Variants in SV2B observed in about 807,000 individuals in gnomAD.
SV2B encodes solute carrier family 22 member B2.
In SV2B, 41 loss-of-function variants were observed where a neutral mutation model predicts 73.9. The observed-to-expected ratio is 0.56, with a 90% CI of 0.43 to 0.72. The LOEUF is 0.72. SV2B is among the 30% of genes least tolerant of loss of function. The pLI, the probability that SV2B is intolerant of heterozygous loss-of-function variation, is 0.00. For missense variants in SV2B, 764 were observed against 857.8 expected (o/e 0.89, Z 1.37); for synonymous variants, 314 against 314.2 (o/e 1.00, Z 0.01).
rs2049456419 is a variant in SV2B, at chr15:91,301,928, T to G, written c.*9376T>G. On this transcript the variant is annotated 3_prime_UTR_variant, in exon 13 of 13. Transcript: ENST00000394232. The surrounding 1 kb of genome is among the most constrained non-coding windows in gnomAD (Gnocchi z 4.3). ...TGGAATGCTCAACCTGTTTTCAGAG[T>G]CAGAGCCAAGTTCTGAATGCTCATC... is the stretch of plus-strand genomic sequence containing the variant. Among the ~76,000 whole-genome samples the G allele has an allele frequency of 6.6e-6, 1 of 152,160 alleles. No individual in the cohort carries two copies. Among genetic ancestry groups the G allele is most frequent in the Non-Finnish European group, 1.5e-5 (1 of 68,016 alleles).
Position 91,140,558 on chromosome 15 carries a change from G to C in SV2B, c.-392+40195G>C, listed in dbSNP as rs1389165390. On this transcript the variant is annotated intron_variant, in intron 1 of 12. Transcript: ENST00000394232. This position sits in a 1 kb window ranked among gnomAD's most constrained non-coding sequence, Gnocchi z 4.4. ...TAGTTAGCACTAGCTCATTCATTAG[G>C]TCTGCTTCCATTTAACCCGAGGCCT... Among the ~76,000 whole-genome samples, 1 of 152,070 alleles carries C rather than the reference G, an allele frequency of 6.6e-6. No individual in the cohort carries two copies. The highest frequency in any genetic ancestry group is 1.5e-5 in the Non-Finnish European group (1 of 68,018).
At chr15:91,277,874 G>A (rs1005845420) in intron 9 of SV2B, among the ~76,000 whole-genome samples, 5 of 152,108 alleles carry the variant, frequency 3.3e-5, no homozygotes, top group Non-Finnish European at 7.4e-5. Flanking sequence ...CTATGCTTCA[G>A]TTATCGTTCC....
intron 2 of SV2B, among the ~76,000 whole-genome samples, chr15:91,246,852 GC>G (rs1470912178): frequency 6.6e-6 from 1 of 152,080 alleles, no homozygotes; most frequent in African/African-American, 2.4e-5. Context: ...ATGCCACCGA[GC>G]TTGTTGAGTG....
At chr15:91,251,392 T>A (rs1186138900) in intron 2 of SV2B, among the ~76,000 whole-genome samples, 2 of 152,254 alleles carry the variant, frequency 1.3e-5, no homozygotes, top group African/African-American at 2.4e-5. Flanking sequence ...ATTGCTGTTT[T>A]TCACTTCTAC....
intron 1 of SV2B, among the ~76,000 whole-genome samples, chr15:91,201,103 C>T (rs558256241): frequency 5.3e-5 from 8 of 152,180 alleles, no homozygotes; most frequent in Admixed American, 4.6e-4. Flanking sequence ...CTTGAATGTT[C>T]CCCCACCCTC....
At chr15:91,153,477 A>C (rs1411500354) in intron 1 of SV2B, among the ~76,000 whole-genome samples, 1 of 152,094 alleles carries the variant, frequency 6.6e-6, no homozygotes, top group Non-Finnish European at 1.5e-5. Context: ...CCCAAGGCTC[A>C]ATTTCCCCAT....
intron 6 of SV2B, among the ~76,000 whole-genome samples, chr15:91,263,230 A>C (rs1349537496): frequency 1.7e-5 from 2 of 120,436 alleles, no homozygotes; most frequent in East Asian, 4.0e-4. Flanking sequence ...ACAGACACAC[A>C]GACAGAGACA....
intron 2 of SV2B, among the ~76,000 whole-genome samples, chr15:91,246,088 C>T (rs2047212927): frequency 6.6e-6 from 1 of 151,528 alleles, no homozygotes; most frequent in African/African-American, 2.4e-5. Flanking sequence ...AAAAAATCCC[C>T]CCTTCAAAGT....
At chr15:91,111,609 CAGG>C (rs1262073343) in intron 1 of SV2B, among the ~76,000 whole-genome samples, 10 of 152,108 alleles carry the variant, frequency 6.6e-5, no homozygotes, top group African/African-American at 2.4e-4. Context: ...GGAATGGTTT[CAGG>C]AGAAGCATGT....
At chr15:91,103,221 G>C (rs1227314382) in intron 1 of SV2B, among the ~76,000 whole-genome samples, 1 of 152,190 alleles carries the variant, frequency 6.6e-6, no homozygotes, top group Non-Finnish European at 1.5e-5. Flanking sequence ...ATAGGTCTTT[G>C]CAAGGCAACA....
chr15:91,169,417 G>A (rs2044038927), intron 1 of SV2B, among the ~76,000 whole-genome samples: 1 of 147,074 alleles, frequency 6.8e-6, no homozygotes, highest in South Asian at 2.1e-4. Flanking sequence ...ATGAAAGACA[G>A]CCCCCCCATC....
At chr15:91,112,599 A>G (rs1024751121) in intron 1 of SV2B, among the ~76,000 whole-genome samples, 2 of 152,234 alleles carry the variant, frequency 1.3e-5, no homozygotes, top group Middle Eastern at 3.2e-3. Flanking sequence ...CAAGGGAATC[A>G]GGGAAGCAGG....
intron 1 of SV2B, among the ~76,000 whole-genome samples, chr15:91,151,091 C>T (rs2043301577): frequency 6.6e-6 from 1 of 152,238 alleles, no homozygotes; most frequent in African/African-American, 2.4e-5. Context: ...GCTGCCTCAC[C>T]ATGAGCGTGG....
Position 91,229,616 on chromosome 15 carries a change from T to C in SV2B, c.451+2902T>C, listed in dbSNP as rs1274838498. Among the ~76,000 whole-genome samples, 1 of 152,194 alleles carries C rather than the reference T, an allele frequency of 6.6e-6. No individual in the cohort carries two copies. Among genetic ancestry groups the C allele is most frequent in the Non-Finnish European group, 1.5e-5 (1 of 68,036 alleles). ...GGTTTCCTTGTTTGCAAAATGGAGATAATAATAGTATCTACTTCATAGGAT... is the reference window on the plus strand; with the variant it reads ...GGTTTCCTTGTTTGCAAAATGGAGACAATAATAGTATCTACTTCATAGGAT... On this transcript the variant is annotated intron_variant, in intron 2 of 12. Coordinates refer to ENST00000394232, the MANE Select transcript of SV2B (RefSeq NM_001323032.3). This position sits in a 1 kb window ranked among gnomAD's most constrained non-coding sequence, Gnocchi z 4.3.
intron 1 of SV2B, among the ~76,000 whole-genome samples, chr15:91,186,285 T>TAATG (rs1241549887): frequency 6.8e-6 from 1 of 146,484 alleles, no homozygotes; most frequent in Non-Finnish European, 1.5e-5. Context: ...TATTTTATAT[T>TAATG]AATGAAATGA....
Position 91,284,101 on chromosome 15 carries a change from T to C in SV2B, c.1588T>C (p.Leu530=). ...LEQKEGCHMD[L]EQDNDFLIYL... ...GCAGAAGGAGGGCTGCCACATGGACTTGGAGCAAGATAATGACTTCCTGAT... is the reference window on the plus strand; with the variant it reads ...GCAGAAGGAGGGCTGCCACATGGACCTGGAGCAAGATAATGACTTCCTGAT... The change falls in exon 11 of 13, where the codon TTG becomes CTG. Residue 530 remains leucine, a synonymous_variant. Coordinates refer to ENST00000394232, the MANE Select transcript of SV2B (RefSeq NM_001323032.3). This position sits in a 1 kb window ranked among gnomAD's most constrained non-coding sequence, Gnocchi z 4.5. 1.2e-6 allele frequency: 2 copies of C among 1,614,186 alleles called. No individual in the cohort carries two copies. The highest frequency in any genetic ancestry group is 1.7e-6 in the Non-Finnish European group (2 of 1,180,036).
rs1314942494 is a variant in SV2B, at chr15:91,140,377, TTC to T, written c.-392+40016_-392+40017del. 6.6e-6 allele frequency among the ~76,000 whole-genome samples: 1 copy of T among 152,210 alleles called. No individual in the cohort carries two copies. The highest frequency in any genetic ancestry group is 1.5e-5 in the Non-Finnish European group (1 of 68,038). ...AATAATAAAAATGCCTTTCAGCATTTTCTGTCTCAAAAGTCTAGTGCTTCTCC... is the reference window on the plus strand; with the variant it reads ...AATAATAAAAATGCCTTTCAGCATTTTGTCTCAAAAGTCTAGTGCTTCTCC... On this transcript the variant is annotated intron_variant, in intron 1 of 12. Coordinates refer to ENST00000394232, the MANE Select transcript of SV2B (RefSeq NM_001323032.3). The surrounding 1 kb of genome is among the most constrained non-coding windows in gnomAD (Gnocchi z 4.4).
In SV2B at chr15:91,226,483, C is replaced by T; in HGVS notation, c.220C>T (p.Leu74Phe). ...GATGGCGCCCTCCAGAATGGACAGCCTTCGGGGCCAGACAGACCTGATGGC... is the reference window on the plus strand; with the variant it reads ...GATGGCGCCCTCCAGAATGGACAGCTTTCGGGGCCAGACAGACCTGATGGC... ...AKMAPSRMDS[L>F]RGQTDLMAER... is the part of the protein sequence containing the mutation. Residue 74 changes from leucine (L) to phenylalanine (F), a missense_variant, in exon 2 of 13, where the codon CTT becomes TTT. Coordinates refer to ENST00000394232, the MANE Select transcript of SV2B (RefSeq NM_001323032.3). The T allele has an allele frequency of 3.1e-6, 5 of 1,614,180 alleles. No homozygotes were observed. The highest frequency in any genetic ancestry group is 2.2e-5 in the East Asian group (1 of 44,862).
chr15:91,253,425 G>A lies in SV2B; in HGVS notation c.784+905G>A, dbSNP rs911189543. Among the ~76,000 whole-genome samples the A allele has an allele frequency of 2.1e-4, 32 of 152,132 alleles. No individual in the cohort carries two copies. The highest frequency in any genetic ancestry group is 4.8e-5 in the African/African-American group (2 of 41,410). The stretch of plus-strand genomic sequence containing the variant: ...CTGCTGTGCTTTCTCAGCTAATGGA[G>A]GCTGCATGTATATGTTTTTAAGAAC... On this transcript the variant is annotated intron_variant, in intron 4 of 12. Transcript: ENST00000394232. The surrounding 1 kb of genome is among the most constrained non-coding windows in gnomAD (Gnocchi z 5.0).
Sources: allele counts gnomAD v4.1 joint callset (sites outside exome capture counted in the v4.1 genomes callset), GRCh38; gene constraint gnomAD v4.1.1; non-coding constraint Gnocchi (gnomAD v3.1); transcripts MANE v1.5; gene names NCBI Gene and HGNC (gene_info 2026-07-23, HGNC 2026-07-21).